Variants in HMCN2 observed in about 807,000 individuals in gnomAD.
The protein encoded by HMCN2 is hemicentin-2.
HMCN2 carries 325 observed loss-of-function variants against 377.5 expected under a neutral mutation model. The observed-to-expected ratio is 0.86, with a 90% CI of 0.79 to 0.94. The LOEUF is 0.94. Ranked by LOEUF, HMCN2 falls within the 40% of genes least tolerant of loss-of-function variation. The pLI is 0.00. For missense variants in HMCN2, 4,543 were observed against 4,725.3 expected (o/e 0.96, Z 1.13); for synonymous variants, 2,007 against 2,046.8 (o/e 0.98, Z 0.53).
intron 85 of HMCN2, among the ~76,000 whole-genome samples, chr9:130,416,366 A>G (rs2131775913): frequency 1.3e-5 from 2 of 152,188 alleles, no homozygotes; most frequent in East Asian, 3.9e-4. Context: ...CGGCCTCCCA[A>G]AGTGTTGGGC....
rs1844667587 is a variant in HMCN2, at chr9:130,430,404, C to T, written c.14447C>T (p.Thr4816Ile). Residue 4816 changes from threonine to isoleucine, a missense_variant, in exon 95 of 98, where the codon ACC (threonine) becomes ATC (isoleucine). Transcript: ENST00000683500. ...CTCCTTCGCGACGGCAAGGCCTGCA[C>T]CTCACTGGAGCGGAATGGACAAAAT... is the stretch of plus-strand genomic sequence containing the variant. ...QTLLRDGKAC[T>I]SLERNGQNVT... The T allele has an allele frequency of 1.3e-6, 2 of 1,550,528 alleles. No homozygotes were observed. Among genetic ancestry groups the T allele is most frequent in the Non-Finnish European group, 8.7e-7 (1 of 1,146,982 alleles).
At chr9:130,309,285 G>A (rs982854234) in intron 14 of HMCN2, among the ~76,000 whole-genome samples, 2 of 152,176 alleles carry the variant, frequency 1.3e-5, no homozygotes, top group Admixed American at 1.3e-4. Context: ...AGCCCGAGGT[G>A]GGCAGATCAC....
intron 1 of HMCN2, among the ~76,000 whole-genome samples, chr9:130,267,431 A>G (rs1834168361): frequency 7.9e-6 from 1 of 126,700 alleles, no homozygotes; most frequent in African/African-American, 3.0e-5. Flanking sequence ...ACCCCCCCAA[A>G]TAAAACACAC....
In HMCN2 at chr9:130,303,109, G is replaced by A. The variant is rs1351059768; in HGVS notation, c.1421+108G>A. The A allele has an allele frequency of 3.0e-6, 1 of 336,274 alleles. No homozygotes were observed. The highest frequency in any genetic ancestry group is 2.2e-5 in the African/African-American group (1 of 46,310). 20.8% of individuals were successfully genotyped at this position (336,274 alleles called of 1,614,324 possible). A position where few individuals can be genotyped will look rare whatever the true frequency, so the allele number is the denominator to read the frequency against. On this transcript the variant is annotated intron_variant, in intron 9 of 97. Transcript: ENST00000683500. The surrounding 1 kb of genome is among the most constrained non-coding windows in gnomAD (Gnocchi z 5.2). Reference sequence around the variant, plus strand: ...TGGCAGGAGAGAGACCTTGGTCTCTGTCATTATCCTCCTGGGCAGCCCAGC... The same window carrying A: ...TGGCAGGAGAGAGACCTTGGTCTCTATCATTATCCTCCTGGGCAGCCCAGC...
Position 130,349,555 on chromosome 9 carries a change from G to T in HMCN2, c.4322G>T (p.Gly1441Val), listed in dbSNP as rs1207478578. Reference protein sequence around the residue: ...LLVLTPPSVLGAGAAQEVLGL... With the variant: ...LLVLTPPSVLVAGAAQEVLGL... ...CCCCCAGCCCCTCCTTCCGTGCTTGGAGCCGGGGCCGCTCAGGAGGTGCTA... is the reference window on the plus strand; with the variant it reads ...CCCCCAGCCCCTCCTTCCGTGCTTGTAGCCGGGGCCGCTCAGGAGGTGCTA... Residue 1441 changes from glycine to valine, a missense_variant, in exon 29 of 98, where the codon GGA becomes GTA. Gly to Val is a moderately radical substitution (Grantham distance 109, BLOSUM62 -3). Around this residue, in one of 5 missense-constraint regions of HMCN2, gnomAD observed 1,032 missense variants for 1,285.1 expected, o/e 0.80. Coordinates refer to ENST00000683500, the MANE Select transcript of HMCN2 (RefSeq NM_001291815.2). 1 of 1,303,064 alleles carries T rather than the reference G, an allele frequency of 7.7e-7. No individual in the cohort carries two copies. The highest frequency in any genetic ancestry group is 1.5e-5 in the African/African-American group (1 of 65,846). The allele number at this position is 1,303,064 out of a possible 1,614,324, so 80.7% of individuals were successfully genotyped here.
intron 65 of HMCN2, 56 bp downstream of exon 65, chr9:130,391,630 A>T: frequency 1.0e-6 from 1 of 985,670 alleles, no homozygotes; most frequent in Middle Eastern, 5.0e-4. Context: ...ACGGGAGATA[A>T]GGCGACATGT....
intron 74 of HMCN2, 58 bp from the exon 75 acceptor site, chr9:130,398,493 A>T: frequency 1.0e-6 from 1 of 987,280 alleles, no homozygotes; most frequent in Non-Finnish European, 1.3e-6. Context: ...ACAGCCTCAG[A>T]GAGCCCCCAG....
intron 25 of HMCN2, among the ~76,000 whole-genome samples, chr9:130,346,784 T>G (rs985898550): frequency 0.04 from 6,046 of 151,564 alleles, 141 homozygotes; most frequent in African/African-American, 0.065. Context: ...CATAGACGCG[T>G]CCTCTGATCA....
intron 73 of HMCN2, among the ~76,000 whole-genome samples, chr9:130,397,027 C>A (rs1055480469): frequency 6.6e-6 from 1 of 152,354 alleles, no homozygotes; most frequent in Non-Finnish European, 1.5e-5. Context: ...CTCACAGATG[C>A]AAGACTCTGA....
In HMCN2 at chr9:130,398,635, C is replaced by G. The variant is rs1473712226; in HGVS notation, c.11411C>G (p.Ser3804Cys). The G allele has an allele frequency of 2.7e-5, 35 of 1,289,404 alleles. No homozygotes were observed. The highest frequency in any genetic ancestry group is 3.4e-5 in the Non-Finnish European group (34 of 988,528). 79.9% of individuals were successfully genotyped at this position (1,289,404 alleles called of 1,614,324 possible). A position where few individuals can be genotyped will look rare whatever the true frequency, so the allele number is the denominator to read the frequency against. Residue 3804 changes from serine (S) to cysteine (C), a missense_variant, in exon 75 of 98, where the codon TCC becomes TGC. Coordinates refer to ENST00000683500, the MANE Select transcript of HMCN2 (RefSeq NM_001291815.2). ...PALLPCEASGSPKPLVVWWKD... is the reference protein window; with the variant it reads ...PALLPCEASGCPKPLVVWWKD... Reference sequence around the variant, plus strand: ...TTGCTGCCCTGCGAGGCCAGCGGCTCCCCTAAGCCCCTGGTGGTCTGGTGG... The same window carrying G: ...TTGCTGCCCTGCGAGGCCAGCGGCTGCCCTAAGCCCCTGGTGGTCTGGTGG...
chr9:130,373,004 C>CCCA, intron 47 of HMCN2, 34 bp from the exon 48 acceptor site: 1 of 160,134 alleles, frequency 6.2e-6, no homozygotes, highest in Non-Finnish European at 1.3e-5. Context: ...CCCCCCACCC[C>CCCA]ATCACTAGCC....
In HMCN2 at chr9:130,403,420, G is replaced by A. The variant is rs910357667; in HGVS notation, c.12013+92G>A. 51 of 1,229,726 alleles carry A rather than the reference G, an allele frequency of 4.1e-5. 1 individual carries two copies. The highest frequency in any genetic ancestry group is 7.7e-5 in the African/African-American group (5 of 64,802). The allele number at this position is 1,229,726 out of a possible 1,614,324, so 76.2% of individuals were successfully genotyped here. On this transcript the variant is annotated intron_variant, in intron 79 of 97. Transcript: ENST00000683500. ...CCTGCTTCCTGCCCTGGGAGACCCC[G>A]CAGACCTGCTGAGAGGTCCTGGAAA...
chr9:130,409,935 G>A (rs4740390), intron 84 of HMCN2, among the ~76,000 whole-genome samples: 21,344 of 152,152 alleles, frequency 0.14, 1,776 homozygotes, highest in Admixed American at 0.18. Flanking sequence ...TGATGGTGGC[G>A]CTGCCACTCA....
chr9:130,367,640 C>T (rs1341272522), intron 43 of HMCN2, among the ~76,000 whole-genome samples: 1 of 151,904 alleles, frequency 6.6e-6, no homozygotes, highest in African/African-American at 2.4e-5. Context: ...CCTGGGGAGC[C>T]ACTAAGGATC....
intron 19 of HMCN2, among the ~76,000 whole-genome samples, chr9:130,322,596 A>G (rs1434422100): frequency 6.6e-6 from 1 of 151,992 alleles, no homozygotes; most frequent in African/African-American, 2.4e-5. Flanking sequence ...CCCCCGCCCA[A>G]CCGCATCCCC....
At chr9:130,419,092 C>T in intron 86 of HMCN2, 51 bp downstream of exon 86, 2 of 1,440,038 alleles carry the variant, frequency 1.4e-6, no homozygotes, top group Non-Finnish European at 1.8e-6. Context: ...GGATCTCTTG[C>T]CGATGGGGAT....
At chr9:130,334,627 T>C in intron 22 of HMCN2, among the ~76,000 whole-genome samples, 1 of 150,818 alleles carries the variant, frequency 6.6e-6, no homozygotes, top group East Asian at 2.0e-4. Flanking sequence ...GTAGGGATTC[T>C]ATGGTCCTTA....
intron 84 of HMCN2, 71 bp from the exon 85 acceptor site, chr9:130,410,500 C>T (rs1250270932): frequency 1.2e-5 from 17 of 1,430,680 alleles, no homozygotes; most frequent in East Asian, 5.0e-5. Flanking sequence ...CCCTCAGTCC[C>T]CTACCCAACT....
At chr9:130,409,627 G>C (rs1217128789) in intron 84 of HMCN2, among the ~76,000 whole-genome samples, 1 of 152,182 alleles carries the variant, frequency 6.6e-6, no homozygotes, top group Non-Finnish European at 1.5e-5. Context: ...CTAACTGTGG[G>C]CCAGGCACGG....
Sources: gnomAD v4.1 joint callset for allele counts (sites outside exome capture counted in the v4.1 genomes callset) on GRCh38, gnomAD v4.1.1 for gene constraint, gnomAD v4.1.1 regional missense constraint, Gnocchi (gnomAD v3.1) non-coding constraint, MANE v1.5 for transcripts, NCBI Gene and HGNC (gene_info 2026-07-23, HGNC 2026-07-21) for gene names.